RAB3GAP2: variants seen among roughly 807,000 people sequenced by gnomAD.
RAB3GAP2 encodes rab3 GTPase-activating protein non-catalytic subunit.
RAB3GAP2 carries 87 observed loss-of-function variants against 185.3 expected under a neutral mutation model. That is an observed-to-expected ratio of 0.47 (90% CI 0.39 to 0.56). RAB3GAP2 has a LOEUF of 0.56. RAB3GAP2 is among the 20% of genes least tolerant of loss of function. The pLI is 0.00. For missense variants in RAB3GAP2, 1,492 were observed against 1,638.2 expected (o/e 0.91, Z 1.54); for synonymous variants, 554 against 576.1 (o/e 0.96, Z 0.55).
chr1:220,265,356 A>G (rs536097980), intron 1 of RAB3GAP2, among the ~76,000 whole-genome samples: 47 of 152,222 alleles, frequency 3.1e-4, no homozygotes, highest in African/African-American at 1.1e-3. Flanking sequence ...AGAGGCAAGA[A>G]GGAAAACTAT....
At chr1:220,264,877 G>A (rs997296585) in intron 1 of RAB3GAP2, among the ~76,000 whole-genome samples, 5 of 151,954 alleles carry the variant, frequency 3.3e-5, no homozygotes, top group South Asian at 2.1e-4. Context: ...TCTAACAATC[G>A]TTTCACATAC....
At chr1:220,210,317 C>T in intron 7 of RAB3GAP2, 71 bp downstream of exon 7, 1 of 1,120,702 alleles carries the variant, frequency 8.9e-7, no homozygotes, top group Non-Finnish European at 1.4e-6. Flanking sequence ...AAGTTTCTAC[C>T]TAAAAAAGAG....
chr1:220,270,372 A>G lies in RAB3GAP2; in HGVS notation c.115+1851T>C, dbSNP rs917054118. On this transcript the variant is annotated intron_variant, in intron 1 of 34. Transcript: ENST00000358951. The stretch of plus-strand genomic sequence containing the variant: ...GACACTTTTTGCTGTTAGCTCCCCA[A>G]TTAACATCTCTGGCCCAGTACTCCC... 2.0e-5 allele frequency among the ~76,000 whole-genome samples: 3 copies of G among 152,314 alleles called. No homozygotes were observed. In the East Asian group the frequency reaches 5.8e-4, roughly 29 times the overall value.
chr1:220,183,487 A>C (rs957482002), intron 19 of RAB3GAP2, among the ~76,000 whole-genome samples: 1 of 152,064 alleles, frequency 6.6e-6, no homozygotes, highest in East Asian at 1.9e-4. Context: ...TCCTGGGCTC[A>C]AGTGATCCTC....
At chr1:220,189,606 G>T in intron 17 of RAB3GAP2, 97 bp downstream of exon 17, 9 of 1,203,378 alleles carry the variant, frequency 7.5e-6, no homozygotes, top group Non-Finnish European at 9.0e-6. Flanking sequence ...GAAGACTTCA[G>T]CCTCTCATGT....
chr1:220,171,054 C>T lies in RAB3GAP2; in HGVS notation c.2644G>A (p.Asp882Asn), dbSNP rs1375005464. The T allele has an allele frequency of 6.2e-7, 1 of 1,614,126 alleles. No individual in the cohort carries two copies. Among genetic ancestry groups the T allele is most frequent in the Non-Finnish European group, 8.5e-7 (1 of 1,180,012 alleles). ...AGAAGGAGTTTCCAGTACTCAGTGTCAAGAGAAAGTGCCTCCCAGGAATCA... is the reference window on the plus strand; with the variant it reads ...AGAAGGAGTTTCCAGTACTCAGTGTTAAGAGAAAGTGCCTCCCAGGAATCA... ...LTDSWEALSL[D>N]TEYWKLLLKQ... Residue 882 changes from aspartate to asparagine, a missense_variant, in exon 24 of 35, where the codon GAC becomes AAC. Coordinates refer to ENST00000358951, the MANE Select transcript of RAB3GAP2 (RefSeq NM_012414.4).
chr1:220,175,050 G>A (rs149052803), intron 21 of RAB3GAP2, among the ~76,000 whole-genome samples: 3 of 152,092 alleles, frequency 2.0e-5, no homozygotes, highest in Non-Finnish European at 2.9e-5. Context: ...ACTCTGTCTC[G>A]CTGTTTTATG....
chr1:220,164,225 T>C (rs963214561), intron 27 of RAB3GAP2, among the ~76,000 whole-genome samples: 1 of 152,112 alleles, frequency 6.6e-6, no homozygotes, highest in South Asian at 2.1e-4. Flanking sequence ...GAGAAATCCA[T>C]CCCTCTTTCC....
intron 21 of RAB3GAP2, among the ~76,000 whole-genome samples, chr1:220,174,961 T>C (rs573402631): frequency 1.2e-4 from 18 of 152,336 alleles, no homozygotes; most frequent in South Asian, 6.2e-4. Flanking sequence ...CATAACCTGA[T>C]GCTTTTCACC....
intron 17 of RAB3GAP2, among the ~76,000 whole-genome samples, chr1:220,185,948 T>C (rs561091403): frequency 5.3e-5 from 8 of 152,276 alleles, no homozygotes; most frequent in African/African-American, 1.9e-4. Context: ...ATGACATAAA[T>C]GACAAAAATC....
At chr1:220,247,701 G>T (rs921862206) in intron 1 of RAB3GAP2, among the ~76,000 whole-genome samples, 2 of 152,022 alleles carry the variant, frequency 1.3e-5, no homozygotes, top group Non-Finnish European at 2.9e-5. Context: ...CACCACTAAA[G>T]AACTCATCTG....
rs752679335 is a variant in RAB3GAP2 at position 220,210,453 on chromosome 1, C to A, written c.547G>T (p.Asp183Tyr). The A allele has an allele frequency of 6.2e-7, 1 of 1,614,040 alleles. No homozygotes were observed. Among genetic ancestry groups the A allele is most frequent in the Non-Finnish European group, 8.5e-7 (1 of 1,179,954 alleles). Residue 183 changes from aspartate to tyrosine, a missense_variant, in exon 7 of 35, where the codon GAC (aspartate) becomes TAC (tyrosine). Asp to Tyr is a radical substitution (Grantham distance 160). Transcript: ENST00000358951. Reference protein sequence around the residue: ...VLLLAQLLNEDPVLQLKCRTY... With the variant: ...VLLLAQLLNEYPVLQLKCRTY... ...CTGCATTTAAGTTGAAGTACTGGGT[C>A]CTCATTCAAAAGCTGTGCAAGCAAG... is the stretch of plus-strand genomic sequence containing the variant.
chr1:220,191,603 G>A (rs1453182800), intron 13 of RAB3GAP2, among the ~76,000 whole-genome samples: 1 of 151,970 alleles, frequency 6.6e-6, no homozygotes, highest in Admixed American at 6.6e-5. Context: ...TGGATCACCT[G>A]AGGTCAGGAG....
intron 31 of RAB3GAP2, among the ~76,000 whole-genome samples, chr1:220,156,117 GT>G (rs973408362): frequency 1.3e-5 from 2 of 151,870 alleles, no homozygotes; most frequent in African/African-American, 4.8e-5. Context: ...TGCCTGGCTA[GT>G]TTTTGTGTTT....
At chr1:220,267,771 C>A (rs1021360937) in intron 1 of RAB3GAP2, 25 of 1,520,784 alleles carry the variant, frequency 1.6e-5, no homozygotes, top group Admixed American at 1.7e-5. Flanking sequence ...ATTTGAAGGA[C>A]ACAAGACCCA....
intron 2 of RAB3GAP2, among the ~76,000 whole-genome samples, chr1:220,215,068 G>C (rs912066566): frequency 6.7e-6 from 1 of 149,618 alleles, no homozygotes; most frequent in African/African-American, 2.5e-5. Context: ...TGTCTGCATA[G>C]TATTCCATTT....
chr1:220,163,066 G>T (rs2102854793), intron 27 of RAB3GAP2, among the ~76,000 whole-genome samples: 2 of 152,266 alleles, frequency 1.3e-5, no homozygotes, highest in South Asian at 4.1e-4. Flanking sequence ...TTGAGCTCAG[G>T]AGTTCAAGAT....
At chr1:220,206,053 T>G (rs2102877743) in intron 7 of RAB3GAP2, 47 bp from the exon 8 acceptor site, 1 of 1,204,288 alleles carries the variant, frequency 8.3e-7, no homozygotes, top group Non-Finnish European at 1.2e-6. Flanking sequence ...ATAAATAAGC[T>G]TATCTACTTT....
At chr1:220,211,861 C>T (rs1441527375) in intron 4 of RAB3GAP2, among the ~76,000 whole-genome samples, 7 of 152,182 alleles carry the variant, frequency 4.6e-5, no homozygotes, top group Admixed American at 1.3e-4. Context: ...CTTTAAAACA[C>T]TTAGACTAAA....
Sources: gnomAD v4.1 joint callset for allele counts (sites outside exome capture counted in the v4.1 genomes callset) on GRCh38, gnomAD v4.1.1 for gene constraint, MANE v1.5 for transcripts, NCBI Gene and HGNC (gene_info 2026-07-23, HGNC 2026-07-21) for gene names.